Variants in HSPA12A observed in about 807,000 individuals in gnomAD.
The protein encoded by HSPA12A is heat shock protein family A (Hsp70) member 12A, also known as heat shock 70 kDa protein 12A.
Under a neutral mutation model 69.2 loss-of-function variants are expected in HSPA12A, and 28 were observed. The ratio of observed to expected loss-of-function variants is 0.40; its 90% CI spans 0.30 to 0.55. The LOEUF (loss-of-function observed/expected upper bound fraction) is 0.55. Ranked by LOEUF, HSPA12A falls within the 20% of genes least tolerant of loss-of-function variation. The pLI is 0.38. For missense variants in HSPA12A, 686 were observed against 900.7 expected, an observed-to-expected ratio of 0.76 and a Z score of 3.05; for synonymous variants, 345 against 370.5, an observed-to-expected ratio of 0.93 and a Z score of 0.79.
At position 116,677,212 on chromosome 10, in the gene HSPA12A, C is replaced by T. The variant is rs372047336; in HGVS notation, c.1287-710G>A. Among the ~76,000 whole-genome samples the T allele has an allele frequency of 3.3e-5, 5 of 152,312 alleles. No homozygotes were observed. In the East Asian group the frequency reaches 5.8e-4, roughly 18 times the overall value. On this transcript the variant is annotated intron_variant, in intron 10 of 11. Coordinates refer to ENST00000369209, the MANE Select transcript of HSPA12A (RefSeq NM_025015.3). ...AAGTTAAATACCATGTCTGTGAAAG[C>T]GCTCTGGAAACTTTCTGGCACTAAG...
chr10:116,754,960 A>T (rs1354547654), intron 2 of HSPA12A, among the ~76,000 whole-genome samples: 1 of 148,604 alleles, frequency 6.7e-6, no homozygotes, highest in East Asian at 2.0e-4. Flanking sequence ...TTATCCATGT[A>T]TTTTTTTTTT....
intron 2 of HSPA12A, among the ~76,000 whole-genome samples, chr10:116,793,631 C>A (rs942933115): frequency 6.6e-6 from 1 of 151,944 alleles, no homozygotes; most frequent in African/African-American, 2.4e-5. Context: ...ACAACAATGG[C>A]ATGCAAATCA....
chr10:116,804,581 G>GCATCAGGAA (rs1422829879), intron 2 of HSPA12A, among the ~76,000 whole-genome samples: 2 of 152,056 alleles, frequency 1.3e-5, no homozygotes, highest in Non-Finnish European at 2.9e-5. Flanking sequence ...CTCCGCTGAG[G>GCATCAGGAA]CATCAGGAAC....
chr10:116,711,880 G>T lies in HSPA12A; in HGVS notation c.41-4595C>A, dbSNP rs753033359. 1.6e-4 allele frequency among the ~76,000 whole-genome samples: 24 copies of T among 151,706 alleles called. 1 individual carries two copies. The highest frequency in any genetic ancestry group is 2.9e-5 in the Non-Finnish European group (2 of 67,926). ...ATTTTTTTATTTTTAGTAGAGACAG[G>T]ATTTCACTGTGTTAGCCAGGATGGT... is the stretch of plus-strand genomic sequence containing the variant. On this transcript the variant is annotated intron_variant, in intron 1 of 11. Transcript: ENST00000369209.
At chr10:116,762,824 C>T (rs963322483) in intron 2 of HSPA12A, among the ~76,000 whole-genome samples, 1 of 152,146 alleles carries the variant, frequency 6.6e-6, no homozygotes, top group African/African-American at 2.4e-5. Flanking sequence ...GATCCACCTG[C>T]CTTAGCCTTC....
At chr10:116,728,609 T>G (rs188716012) in intron 1 of HSPA12A, among the ~76,000 whole-genome samples, 56 of 152,310 alleles carry the variant, frequency 3.7e-4, no homozygotes, top group Non-Finnish European at 6.0e-4. Context: ...GATTATCGCA[T>G]TCTTTCCAAC....
chr10:116,844,361 A>G (rs1342267112), intron 1 of HSPA12A, among the ~76,000 whole-genome samples: 2 of 152,246 alleles, frequency 1.3e-5, no homozygotes, highest in Non-Finnish European at 2.9e-5. Flanking sequence ...GCCAGCAGAC[A>G]TCGATGAAGA....
intron 6 of HSPA12A, among the ~76,000 whole-genome samples, chr10:116,690,848 A>G (rs2907235): frequency 0.026 from 4,028 of 152,014 alleles, 183 homozygotes; most frequent in African/African-American, 0.091. Context: ...TTCGTGGGTC[A>G]CACATTTGTT....
chr10:116,694,476 G>C (rs915883546), intron 5 of HSPA12A, among the ~76,000 whole-genome samples: 2 of 152,130 alleles, frequency 1.3e-5, no homozygotes. Context: ...CTCTCTGGCT[G>C]AGCTGAGGAA....
chr10:116,753,603 T>C (rs980283882), intron 2 of HSPA12A, among the ~76,000 whole-genome samples: 2 of 151,642 alleles, frequency 1.3e-5, no homozygotes, highest in Admixed American at 6.5e-5. Context: ...TTTGTGATCT[T>C]AGTTACTGTA....
At chr10:116,818,322 C>T (rs1845345721) in intron 2 of HSPA12A, among the ~76,000 whole-genome samples, 1 of 152,318 alleles carries the variant, frequency 6.6e-6, no homozygotes, top group Admixed American at 6.5e-5. Flanking sequence ...TTGGGCCTGC[C>T]CCACAGCCAG....
intron 2 of HSPA12A, among the ~76,000 whole-genome samples, chr10:116,788,769 C>A (rs1202960233): frequency 1.3e-5 from 2 of 151,918 alleles, no homozygotes; most frequent in African/African-American, 4.8e-5. Context: ...GAAAATATAC[C>A]CACAGATAAA....
At chr10:116,823,214 CA>C (rs1435498318) in intron 2 of HSPA12A, among the ~76,000 whole-genome samples, 1 of 152,152 alleles carries the variant, frequency 6.6e-6, no homozygotes, top group Admixed American at 6.5e-5. Flanking sequence ...ACAATAGCAT[CA>C]CAAGAATAAA....
At chr10:116,798,622 G>A (rs1228851747) in intron 2 of HSPA12A, among the ~76,000 whole-genome samples, 3 of 152,048 alleles carry the variant, frequency 2.0e-5, no homozygotes, top group Admixed American at 1.3e-4. Context: ...ACACCCTCAG[G>A]CCCTGACCCA....
At chr10:116,753,745 G>A (rs1843758525) in intron 2 of HSPA12A, among the ~76,000 whole-genome samples, 1 of 152,202 alleles carries the variant, frequency 6.6e-6, no homozygotes. Context: ...AAGAATTCAA[G>A]GAAATGGGTC....
intron 1 of HSPA12A, among the ~76,000 whole-genome samples, chr10:116,741,637 C>T (rs1554887171): frequency 6.6e-6 from 1 of 152,174 alleles, no homozygotes; most frequent in East Asian, 1.9e-4. Context: ...CCGAAACCTG[C>T]TCGTCCTCTT....
chr10:116,681,664 A>G (rs1849405611), intron 8 of HSPA12A, 127 bp downstream of exon 8: 2 of 731,054 alleles, frequency 2.7e-6, no homozygotes, highest in South Asian at 1.8e-5. Context: ...CTCTCCCTGC[A>G]TGAGTGGTCT....
In HSPA12A at chr10:116,715,544, G is replaced by A. The variant is rs142225599; in HGVS notation, c.41-8259C>T. On this transcript the variant is annotated intron_variant, in intron 1 of 11. Coordinates refer to ENST00000369209, the MANE Select transcript of HSPA12A (RefSeq NM_025015.3). ...TGGGATTTGTACCAGAATAGCAGGAGAGGGAAGGGGCAGGGATTAAACAAG... is the reference window on the plus strand; with the variant it reads ...TGGGATTTGTACCAGAATAGCAGGAAAGGGAAGGGGCAGGGATTAAACAAG... Among the ~76,000 whole-genome samples the A allele has an allele frequency of 7.0e-4, 107 of 152,322 alleles. 1 individual carries two copies. Among genetic ancestry groups the A allele is most frequent in the African/African-American group, 2.5e-3 (104 of 41,568 alleles).
chr10:116,699,118 C>T (rs1276915172), intron 4 of HSPA12A, among the ~76,000 whole-genome samples: 12 of 147,574 alleles, frequency 8.1e-5, no homozygotes, highest in Admixed American at 1.3e-4. Flanking sequence ...CACATGGTCA[C>T]GCTCAGGATC....
Sources: gnomAD v4.1 joint callset for allele counts (sites outside exome capture counted in the v4.1 genomes callset) on GRCh38, gnomAD v4.1.1 for gene constraint, MANE v1.5 for transcripts, NCBI Gene and HGNC (gene_info 2026-07-23, HGNC 2026-07-21) for gene names.